The following LRRC4C variants were observed in gnomAD, a reference collection of about 807,000 sequenced individuals.
LRRC4C encodes leucine rich repeat containing 4C, also known as leucine-rich repeat-containing protein 4C.
In LRRC4C, 5 loss-of-function variants were observed where a neutral mutation model predicts 33.6. That is an observed-to-expected ratio of 0.15 (90% CI 0.08 to 0.31). LRRC4C has a LOEUF of 0.31. LRRC4C is among the 10% of genes least tolerant of loss of function. LRRC4C has a pLI of 1.00. For missense variants in LRRC4C, 560 were observed against 796.7 expected (o/e 0.70, Z 3.58); for synonymous variants, 329 against 302.0 (o/e 1.09, Z -0.93).
chr11:40,627,470 G>C lies in LRRC4C; in HGVS notation c.-270+20672C>G, dbSNP rs114708024. On this transcript the variant is annotated intron_variant, in intron 3 of 6. Transcript: ENST00000528697. ...TTGGAAGAAAGTGAGCCTTAAGTAA[G>C]TCTCATTCTTGTAAAATAAAATTTT... is the stretch of plus-strand genomic sequence containing the variant. Among the ~76,000 whole-genome samples, 734 of 152,222 alleles carry C rather than the reference G, an allele frequency of 4.8e-3. 6 individuals are homozygous for C. The highest frequency in any genetic ancestry group is 0.017 in the African/African-American group (696 of 41,532).
chr11:40,717,689 T>C (rs1946800455), intron 2 of LRRC4C, among the ~76,000 whole-genome samples: 1 of 152,140 alleles, frequency 6.6e-6, no homozygotes, highest in Non-Finnish European at 1.5e-5. Context: ...CTCAGCCACC[T>C]GACCAGATGA....
intron 1 of LRRC4C, among the ~76,000 whole-genome samples, chr11:41,109,658 G>A (rs1941715342): frequency 6.6e-6 from 1 of 152,104 alleles, no homozygotes; most frequent in Non-Finnish European, 1.5e-5. Context: ...GGAACTAGAA[G>A]ATAATTTATT....
intron 6 of LRRC4C, among the ~76,000 whole-genome samples, chr11:40,129,885 A>G (rs1188729037): frequency 6.6e-6 from 1 of 152,214 alleles, no homozygotes; most frequent in Non-Finnish European, 1.5e-5. Context: ...AATCCGACCC[A>G]GGGATAGAGT....
At chr11:40,833,523 C>T (rs1952513712) in intron 2 of LRRC4C, among the ~76,000 whole-genome samples, 1 of 151,744 alleles carries the variant, frequency 6.6e-6, no homozygotes, top group Non-Finnish European at 1.5e-5. Flanking sequence ...TCATTAGATC[C>T]TTATAACACA....
intron 1 of LRRC4C, among the ~76,000 whole-genome samples, chr11:40,984,437 G>A (rs1301408718): frequency 6.7e-6 from 1 of 149,374 alleles, no homozygotes; most frequent in Non-Finnish European, 1.5e-5. Flanking sequence ...AAGAGAAAAA[G>A]AAAGAAAGAA....
At chr11:40,225,383 T>C (rs1864712938) in intron 5 of LRRC4C, among the ~76,000 whole-genome samples, 1 of 152,196 alleles carries the variant, frequency 6.6e-6, no homozygotes. Flanking sequence ...GTTTCCACCA[T>C]CTTAAGTTCT....
At chr11:41,165,736 A>T (rs1289890869) in intron 1 of LRRC4C, among the ~76,000 whole-genome samples, 1 of 152,052 alleles carries the variant, frequency 6.6e-6, no homozygotes, top group Non-Finnish European at 1.5e-5. Context: ...AGTTTGTAAA[A>T]ACTTAAAAAG....
Position 41,431,276 on chromosome 11 carries a change from T to C in LRRC4C, c.-496+28155A>G, listed in dbSNP as rs149602675. Among the ~76,000 whole-genome samples, 11 of 151,914 alleles carry C rather than the reference T, an allele frequency of 7.2e-5. No homozygotes were observed. In the East Asian group the frequency reaches 2.1e-3, roughly 30 times the overall value. On this transcript the variant is annotated intron_variant, in intron 1 of 6. Coordinates refer to ENST00000528697, the MANE Select transcript of LRRC4C (RefSeq NM_001258419.2). ...CAAGATCCAAAATAAAATCTTGCAG[T>C]CACAATCTCCAACATAATATACATT...
At chr11:40,269,307 C>T (rs1242275365) in intron 4 of LRRC4C, among the ~76,000 whole-genome samples, 1 of 152,128 alleles carries the variant, frequency 6.6e-6, no homozygotes, top group African/African-American at 2.4e-5. Context: ...TAATTGTTAA[C>T]ATTTATTGAG....
intron 2 of LRRC4C, among the ~76,000 whole-genome samples, chr11:40,655,527 T>C (rs899892524): frequency 6.6e-6 from 1 of 152,158 alleles, no homozygotes; most frequent in South Asian, 2.1e-4. Flanking sequence ...CTAGAAGAGA[T>C]CTTGGTGGTA....
intron 3 of LRRC4C, among the ~76,000 whole-genome samples, chr11:40,413,329 C>G (rs940287760): frequency 2.6e-5 from 4 of 151,998 alleles, no homozygotes; most frequent in Non-Finnish European, 4.4e-5. Context: ...ATTCACACAC[C>G]TTACACTCGG....
chr11:41,199,432 C>A (rs1292783218), intron 1 of LRRC4C, among the ~76,000 whole-genome samples: 1 of 152,026 alleles, frequency 6.6e-6, no homozygotes. Context: ...GATTCCTCTT[C>A]CGGGCAGTCT....
intron 1 of LRRC4C, among the ~76,000 whole-genome samples, chr11:40,975,341 C>T (rs1472990768): frequency 6.6e-6 from 1 of 152,156 alleles, no homozygotes; most frequent in African/African-American, 2.4e-5. Context: ...ACTAGATTAT[C>T]TAACTACTTA....
intron 1 of LRRC4C, among the ~76,000 whole-genome samples, chr11:40,934,534 T>C (rs1957781719): frequency 6.6e-6 from 1 of 152,210 alleles, no homozygotes; most frequent in African/African-American, 2.4e-5. Context: ...AGTACTGCTA[T>C]AGTTTACGCT....
intron 1 of LRRC4C, among the ~76,000 whole-genome samples, chr11:41,075,176 G>C (rs1939055707): frequency 6.6e-6 from 1 of 151,824 alleles, no homozygotes; most frequent in Non-Finnish European, 1.5e-5. Context: ...GAGATGTTTA[G>C]GCTCAACGGT....
At chr11:41,397,876 A>G (rs939438727) in intron 1 of LRRC4C, among the ~76,000 whole-genome samples, 3 of 151,838 alleles carry the variant, frequency 2.0e-5, no homozygotes, top group Non-Finnish European at 2.9e-5. Context: ...TTATTATTAT[A>G]TATTTTCCAT....
chr11:41,112,414 C>A (rs77484665), intron 1 of LRRC4C, among the ~76,000 whole-genome samples: 2,557 of 152,128 alleles, frequency 0.017, 69 homozygotes, highest in African/African-American at 0.058. Context: ...TAGATGCTGT[C>A]TATTAGGTGG....
intron 2 of LRRC4C, among the ~76,000 whole-genome samples, chr11:40,887,618 T>C (rs1041727333): frequency 4.6e-5 from 7 of 152,010 alleles, no homozygotes; most frequent in Non-Finnish European, 1.0e-4. Context: ...CCAGCTTAGA[T>C]TGACGAATAC....
At chr11:41,442,868 A>G (rs888176498) in intron 1 of LRRC4C, among the ~76,000 whole-genome samples, 5 of 152,140 alleles carry the variant, frequency 3.3e-5, no homozygotes, top group African/African-American at 1.2e-4. Flanking sequence ...TCTATCTTCA[A>G]ATTTCTGCCC....
Sources: gnomAD v4.1 joint callset for allele counts (sites outside exome capture counted in the v4.1 genomes callset) on GRCh38, gnomAD v4.1.1 for gene constraint, MANE v1.5 for transcripts, NCBI Gene and HGNC (gene_info 2026-07-23, HGNC 2026-07-21) for gene names.